The following NRXN3 variants were observed in gnomAD, a reference collection of about 807,000 sequenced individuals.
NRXN3 encodes neurexin 3.
Under a neutral mutation model 137.6 loss-of-function variants are expected in NRXN3, and 32 were observed. The observed-to-expected ratio is 0.23, with a 90% CI of 0.18 to 0.31. The LOEUF (loss-of-function observed/expected upper bound fraction) is 0.31. Ranked by LOEUF, NRXN3 falls within the 10% of genes least tolerant of loss-of-function variation. The pLI, the probability that NRXN3 is intolerant of heterozygous loss-of-function variation, is 1.00. For missense variants in NRXN3, 1,574 were observed against 2,062.5 expected (o/e 0.76, Z 4.59); for synonymous variants, 798 against 784.5 (o/e 1.02, Z -0.29).
At chr14:78,680,805 C>T (rs993934882) in intron 6 of NRXN3, among the ~76,000 whole-genome samples, 1 of 152,140 alleles carries the variant, frequency 6.6e-6, no homozygotes, top group African/African-American at 2.4e-5. Context: ...CTGGTTTCTG[C>T]CCAAGTTGTC....
chr14:79,201,013 T>A (rs567279228), intron 15 of NRXN3: 7 of 152,224 alleles, frequency 4.6e-5, no homozygotes, highest in Admixed American at 3.3e-4. Context: ...TTAGGCTTTC[T>A]TTATGGTCAT....
At chr14:79,716,094 G>A (rs1165938942) in intron 19 of NRXN3, among the ~76,000 whole-genome samples, 1 of 152,196 alleles carries the variant, frequency 6.6e-6, no homozygotes, top group Non-Finnish European at 1.5e-5. Context: ...GGACTGGTTG[G>A]AAAAGAGTTT....
At chr14:78,460,791 G>C (rs990818023) in intron 4 of NRXN3, among the ~76,000 whole-genome samples, 1 of 144,020 alleles carries the variant, frequency 6.9e-6, no homozygotes, top group African/African-American at 2.5e-5. Flanking sequence ...GAAGATGCCC[G>C]GTGGTCTATG....
chr14:79,785,680 T>G (rs1378073401), intron 19 of NRXN3, among the ~76,000 whole-genome samples: 2 of 152,090 alleles, frequency 1.3e-5, no homozygotes, highest in African/African-American at 4.8e-5. Flanking sequence ...TCTTGAGGAT[T>G]TGGGCCACTT....
intron 10 of NRXN3, among the ~76,000 whole-genome samples, chr14:78,898,916 A>G (rs754086226): frequency 3.6e-4 from 55 of 152,022 alleles, no homozygotes; most frequent in Non-Finnish European, 6.5e-4. Flanking sequence ...GTTAAAAATT[A>G]GAATAGGTTC....
At chr14:79,853,664 T>C (rs758871359) in intron 20 of NRXN3, 8 of 1,307,924 alleles carry the variant, frequency 6.1e-6, no homozygotes, top group Non-Finnish European at 8.0e-6. Flanking sequence ...ACCCTCCCCT[T>C]CCTGCATCTT....
chr14:79,791,451 T>G (rs1429526628), intron 19 of NRXN3, among the ~76,000 whole-genome samples: 1 of 145,972 alleles, frequency 6.9e-6, no homozygotes, highest in African/African-American at 2.5e-5. Flanking sequence ...TATTTTATAA[T>G]AAATAATTAT....
intron 16 of NRXN3, among the ~76,000 whole-genome samples, chr14:79,471,198 C>G (rs895798391): frequency 1.3e-5 from 2 of 152,012 alleles, no homozygotes; most frequent in African/African-American, 4.8e-5. Context: ...GGGTAAGCAC[C>G]CACTCTAGAA....
intron 15 of NRXN3, among the ~76,000 whole-genome samples, chr14:79,327,183 G>A (rs1417932414): frequency 2.6e-5 from 4 of 152,126 alleles, no homozygotes; most frequent in African/African-American, 9.7e-5. Flanking sequence ...CCCTTGAAGG[G>A]CTCCTTATGT....
At chr14:79,089,151 C>G (rs1200367177) in intron 15 of NRXN3, among the ~76,000 whole-genome samples, 7 of 152,148 alleles carry the variant, frequency 4.6e-5, no homozygotes, top group African/African-American at 1.7e-4. Flanking sequence ...GTCAATAGAG[C>G]TGCTGCTGTT....
chr14:79,331,797 TAA>T (rs953403114), intron 15 of NRXN3, among the ~76,000 whole-genome samples: 1 of 151,302 alleles, frequency 6.6e-6, no homozygotes, highest in Admixed American at 6.6e-5. Flanking sequence ...GCTCAAAGTG[TAA>T]AAAAAAAGTT....
intron 2 of NRXN3, among the ~76,000 whole-genome samples, chr14:78,269,056 T>C (rs2072280604): frequency 6.6e-6 from 1 of 152,218 alleles, no homozygotes; most frequent in Non-Finnish European, 1.5e-5. Flanking sequence ...CTTACATATT[T>C]GTGGCCTCAT....
chr14:79,687,304 T>A (rs565038032), intron 17 of NRXN3, among the ~76,000 whole-genome samples: 11 of 152,312 alleles, frequency 7.2e-5, no homozygotes, highest in Non-Finnish European at 1.6e-4. Context: ...TGAGTTGGTC[T>A]GGGACAATGC....
chr14:79,812,403 G>A (rs532711892), intron 20 of NRXN3, among the ~76,000 whole-genome samples: 10 of 152,136 alleles, frequency 6.6e-5, no homozygotes, highest in African/African-American at 2.4e-4. Flanking sequence ...TAAAAGGAAG[G>A]GAAGAAACAA....
At chr14:78,495,775 G>T (rs2095768539) in intron 4 of NRXN3, among the ~76,000 whole-genome samples, 1 of 152,186 alleles carries the variant, frequency 6.6e-6, no homozygotes, top group Non-Finnish European at 1.5e-5. Flanking sequence ...GTTAGTGAAG[G>T]TGACAGTCTT....
At chr14:78,175,220 G>A (rs910921040) in intron 1 of NRXN3, among the ~76,000 whole-genome samples, 1 of 152,190 alleles carries the variant, frequency 6.6e-6, no homozygotes, top group Non-Finnish European at 1.5e-5. Context: ...AGAGCAAAAT[G>A]CTGATGGTCT....
At chr14:78,379,174 A>C (rs2088541036) in intron 4 of NRXN3, among the ~76,000 whole-genome samples, 1 of 152,214 alleles carries the variant, frequency 6.6e-6, no homozygotes, top group Admixed American at 6.5e-5. Context: ...GATTGTACTG[A>C]GAATTCTACC....
chr14:79,066,546 A>T (rs572217504), intron 15 of NRXN3, among the ~76,000 whole-genome samples: 102 of 152,184 alleles, frequency 6.7e-4, no homozygotes, highest in Non-Finnish European at 1.3e-3. Context: ...GTTTAATGGG[A>T]ATAGCATTGA....
At chr14:78,358,727 C>T (rs554701605) in intron 4 of NRXN3, among the ~76,000 whole-genome samples, 3 of 152,308 alleles carry the variant, frequency 2.0e-5, no homozygotes, top group Non-Finnish European at 4.4e-5. Context: ...GGATAAATCT[C>T]AGGCTTTGGG....
Sources: allele counts gnomAD v4.1 joint callset (sites outside exome capture counted in the v4.1 genomes callset), GRCh38; gene constraint gnomAD v4.1.1; transcripts MANE v1.5; gene names NCBI Gene and HGNC (gene_info 2026-07-23, HGNC 2026-07-21).